XPR1: variants seen among roughly 807,000 people sequenced by gnomAD.
The protein encoded by XPR1 is xenotropic and polytropic retrovirus receptor 1, also known as solute carrier family 53 member 1.
A neutral mutation model predicts 87.5 loss-of-function variants in XPR1; 28 were observed. The ratio of observed to expected loss-of-function variants is 0.32; its 90% CI spans 0.24 to 0.44. The LOEUF is 0.44. Among genes scored for constraint, XPR1 ranks in the 20% least tolerant of loss-of-function variants. The pLI is 1.00. For synonymous variants in XPR1, 300 were observed against 306.1 expected (o/e 0.98, Z 0.21); for missense variants, 559 against 862.3 (o/e 0.65, Z 4.41).
intron 7 of XPR1, among the ~76,000 whole-genome samples, chr1:180,824,399 G>A (rs1458932064): frequency 6.6e-6 from 1 of 152,130 alleles, no homozygotes; most frequent in Non-Finnish European, 1.5e-5. Context: ...TGGCCAACAT[G>A]GTGAAACCCT....
Position 180,854,047 on chromosome 1 carries a change from C to T in XPR1, c.1502-9661C>T, listed in dbSNP as rs192287480. Among the ~76,000 whole-genome samples the T allele has an allele frequency of 2.4e-4, 37 of 152,180 alleles. No individual in the cohort carries two copies. In the East Asian group the frequency reaches 3.1e-3, roughly 13 times the overall value. On this transcript the variant is annotated intron_variant, in intron 11 of 14. Coordinates refer to ENST00000367590, the MANE Select transcript of XPR1 (RefSeq NM_004736.4). ...TGTCTACAAAATGTTAGAACAATGC[C>T]GTTAAAGGTTGTATCTAAAAGGCAA...
intron 3 of XPR1, among the ~76,000 whole-genome samples, chr1:180,802,877 CT>C (rs1219415511): frequency 2.0e-5 from 3 of 152,152 alleles, no homozygotes; most frequent in Non-Finnish European, 4.4e-5. Flanking sequence ...GTGGCTGATT[CT>C]ATTGTGTGTT....
chr1:180,719,365 AG>A (rs1557972999), intron 2 of XPR1, among the ~76,000 whole-genome samples: 1 of 152,258 alleles, frequency 6.6e-6, no homozygotes, highest in Non-Finnish European at 1.5e-5. Context: ...TTTATTTCTT[AG>A]GATTAAAATG....
intron 3 of XPR1, among the ~76,000 whole-genome samples, chr1:180,788,929 AAGCATCTTACTCAGATATCCTTTTTC>A (rs938801700): frequency 5.3e-5 from 8 of 152,264 alleles, no homozygotes; most frequent in South Asian, 4.1e-4. Flanking sequence ...CAACTTCTGG[AAGCATCTTACTCAGATATCCTTTTTC>A]AGCATCTTAC....
At chr1:180,764,786 T>TA (rs1226047454) in intron 2 of XPR1, among the ~76,000 whole-genome samples, 5 of 62,680 alleles carry the variant, frequency 8.0e-5, no homozygotes, top group African/African-American at 4.2e-4. Context: ...ATAATTTTTT[T>TA]TCTTTTTTTT....
chr1:180,698,876 G>C (rs1394999196), intron 2 of XPR1, among the ~76,000 whole-genome samples: 2 of 152,120 alleles, frequency 1.3e-5, no homozygotes, highest in Non-Finnish European at 2.9e-5. Flanking sequence ...GAAATCTGCT[G>C]TTAGTCTGAT....
intron 2 of XPR1, among the ~76,000 whole-genome samples, chr1:180,772,178 CATTT>C (rs960059297): frequency 6.6e-6 from 1 of 152,024 alleles, no homozygotes; most frequent in African/African-American, 2.4e-5. Context: ...CTGTTACTGT[CATTT>C]ATTTTATTGC....
chr1:180,639,113 A>T (rs1654880306), intron 1 of XPR1, among the ~76,000 whole-genome samples: 1 of 152,186 alleles, frequency 6.6e-6, no homozygotes, highest in Non-Finnish European at 1.5e-5. Context: ...CCTGGCCAAC[A>T]TGGTGAAACC....
chr1:180,814,233 GTTC>G (rs927325611), intron 7 of XPR1, among the ~76,000 whole-genome samples: 1 of 152,102 alleles, frequency 6.6e-6, no homozygotes, highest in African/African-American at 2.4e-5. Flanking sequence ...TATTGTTAGA[GTTC>G]TTCTTCCTAC....
intron 1 of XPR1, among the ~76,000 whole-genome samples, chr1:180,659,493 T>C (rs1475781486): frequency 8.5e-6 from 1 of 117,830 alleles, no homozygotes. Flanking sequence ...CTTCCTCCCT[T>C]CCTCCCTCTC....
intron 9 of XPR1, among the ~76,000 whole-genome samples, chr1:180,825,671 G>A (rs1650805321): frequency 6.6e-6 from 1 of 152,182 alleles, no homozygotes; most frequent in Admixed American, 6.5e-5. Flanking sequence ...GTTGATGTGA[G>A]TATCAACCGA....
chr1:180,744,852 C>T (rs1248601036), intron 2 of XPR1, among the ~76,000 whole-genome samples: 3 of 151,598 alleles, frequency 2.0e-5, no homozygotes, highest in East Asian at 1.9e-4. Context: ...GGGGTTTCAC[C>T]GTGTTAGCCA....
chr1:180,758,953 C>A (rs1256405165), intron 2 of XPR1: 1 of 152,158 alleles, frequency 6.6e-6, no homozygotes, highest in Non-Finnish European at 1.5e-5. Flanking sequence ...GAACTCAGGA[C>A]TAAGAAACTC....
intron 2 of XPR1, among the ~76,000 whole-genome samples, chr1:180,744,845 G>T (rs910939660): frequency 5.3e-5 from 8 of 151,560 alleles, no homozygotes; most frequent in African/African-American, 1.9e-4. Context: ...TAGAGACGGG[G>T]TTTCACCGTG....
At chr1:180,878,722 C>T (rs1372182649) in intron 13 of XPR1, among the ~76,000 whole-genome samples, 1 of 152,196 alleles carries the variant, frequency 6.6e-6, no homozygotes, top group African/African-American at 2.4e-5. Context: ...ATCCCCTTGT[C>T]AGTTCTCTGT....
chr1:180,662,784 G>A (rs1325335615), intron 1 of XPR1, among the ~76,000 whole-genome samples: 1 of 151,948 alleles, frequency 6.6e-6, no homozygotes, highest in Non-Finnish European at 1.5e-5. Flanking sequence ...TGAGGTTCTT[G>A]TCTAGATCTT....
At chr1:180,879,003 C>CA (rs1259346463) in intron 13 of XPR1, among the ~76,000 whole-genome samples, 1 of 152,102 alleles carries the variant, frequency 6.6e-6, no homozygotes, top group Non-Finnish European at 1.5e-5. Context: ...GACTCTCGTC[C>CA]ACCTCTCTAC....
chr1:180,656,399 A>AATATATATATTATATAT (rs1655479235), intron 1 of XPR1, among the ~76,000 whole-genome samples: 1 of 40,404 alleles, frequency 2.5e-5, no homozygotes, highest in Non-Finnish European at 4.5e-5. Flanking sequence ...ATTTATATAT[A>AATATATATATTATATAT]AATATTTATA....
intron 7 of XPR1, among the ~76,000 whole-genome samples, chr1:180,813,380 T>TC (rs1051634215): frequency 5.3e-5 from 8 of 152,238 alleles, no homozygotes; most frequent in Non-Finnish European, 1.0e-4. Context: ...CGTTCCCTGA[T>TC]CACCCAACCC....
Sources: allele counts gnomAD v4.1 joint callset (sites outside exome capture counted in the v4.1 genomes callset), GRCh38; gene constraint gnomAD v4.1.1; transcripts MANE v1.5; gene names NCBI Gene and HGNC (gene_info 2026-07-23, HGNC 2026-07-21).